TENM1: variants seen among roughly 807,000 people sequenced by gnomAD.
TENM1 encodes the protein teneurin transmembrane protein 1, also known as teneurin-1.
Under a neutral mutation model 174.8 loss-of-function variants are expected in TENM1, and 35 were observed. That is an observed-to-expected ratio of 0.20 (90% confidence interval 0.15 to 0.27). The LOEUF is 0.27. Among genes scored for constraint, TENM1 ranks in the 10% least tolerant of loss-of-function variants. The pLI is 1.00. For synonymous variants in TENM1, 781 were observed against 798.7 expected (o/e 0.98, Z 0.37); for missense variants, 1,633 against 2,130.1 (o/e 0.77, Z 4.59).
At chrX:124,583,919 G>A (rs1452316041) in intron 11 of TENM1, among the ~76,000 whole-genome samples, 1 of 106,966 alleles carries the variant, frequency 9.3e-6, no homozygotes, top group African/African-American at 3.4e-5. Context: ...GCGATCAACT[G>A]GAAGAAAGGG....
intron 11 of TENM1, among the ~76,000 whole-genome samples, chrX:124,586,656 C>T (rs2049524485): frequency 9.3e-6 from 1 of 107,524 alleles, no homozygotes; most frequent in Admixed American, 9.9e-5. Flanking sequence ...CTCACCACTC[C>T]TATTCAACAT....
intron 14 of TENM1, among the ~76,000 whole-genome samples, chrX:124,558,830 C>T (rs931184675): frequency 9.0e-6 from 1 of 110,842 alleles, no homozygotes; most frequent in Non-Finnish European, 1.9e-5. Context: ...GCTTTCCCCC[C>T]GTTCCCTAAA....
chrX:124,382,891 C>T (rs1212875545), intron 30 of TENM1, 79 bp from the exon 34 acceptor site: 17 of 843,247 alleles, frequency 2.0e-5, no homozygotes, highest in Non-Finnish European at 2.7e-5. Flanking sequence ...AAAGATACCT[C>T]TCCTGCCTTC....
At chrX:124,581,968 C>T (rs2049327752) in intron 11 of TENM1, among the ~76,000 whole-genome samples, 1 of 111,603 alleles carries the variant, frequency 9.0e-6, no homozygotes, top group Non-Finnish European at 1.9e-5. Flanking sequence ...TGGTGGTTTA[C>T]TGCACCTATC....
intron 15 of TENM1, among the ~76,000 whole-genome samples, chrX:124,532,607 C>T (rs1199555625): frequency 8.9e-6 from 1 of 111,741 alleles, no homozygotes; most frequent in Non-Finnish European, 1.9e-5. Context: ...TCTACCTGTT[C>T]TTCTTTTCAT....
chrX:124,934,657 G>C (rs1278310124), intron 1 of TENM1, among the ~76,000 whole-genome samples: 2 of 111,657 alleles, frequency 1.8e-5, no homozygotes, highest in Non-Finnish European at 3.8e-5. Context: ...TGGTGCAGCA[G>C]ATCAGAGTGT....
intron 14 of TENM1, among the ~76,000 whole-genome samples, chrX:124,551,450 T>C (rs748802393): frequency 3.6e-5 from 4 of 110,484 alleles, no homozygotes; most frequent in African/African-American, 1.3e-4. Context: ...GTACTTATAG[T>C]TAATAATGAG....
At chrX:124,793,547 A>T (rs1043373488) in intron 3 of TENM1, among the ~76,000 whole-genome samples, 1 of 111,767 alleles carries the variant, frequency 8.9e-6, no homozygotes, top group Non-Finnish European at 1.9e-5. Flanking sequence ...TGAAATATAT[A>T]GTGTAATGGT....
At chrX:124,592,675 T>G (rs900996853) in intron 11 of TENM1, among the ~76,000 whole-genome samples, 1 of 109,910 alleles carries the variant, frequency 9.1e-6, no homozygotes, top group Non-Finnish European at 1.9e-5. Flanking sequence ...CCTCAGGCGA[T>G]CTGCTCCCCA....
At chrX:124,776,124 C>T (rs1248836674) in intron 3 of TENM1, among the ~76,000 whole-genome samples, 2 of 111,685 alleles carry the variant, frequency 1.8e-5, no homozygotes, top group African/African-American at 6.5e-5. Context: ...TATTGCATTC[C>T]TTATCTAGAG....
At chrX:125,010,769 G>A in the TENM1 span, among the ~76,000 whole-genome samples, 2 of 105,001 alleles carry the variant, frequency 1.9e-5, no homozygotes, top group African/African-American at 3.5e-5. Context: ...AGCCGAGATC[G>A]CGCCACTGCA....
chrX:124,385,780 A>G (rs1396182438), exon 29 of TENM1: 1 of 1,211,448 alleles, frequency 8.3e-7, no homozygotes, highest in Admixed American at 2.2e-5. Context: ...CCTGAGTGGT[A>G]TCATAGAGAA....
the TENM1 span, among the ~76,000 whole-genome samples, chrX:125,200,652 T>TGAGAGAGA: frequency 8.5e-3 from 694 of 81,288 alleles, 6 homozygotes; most frequent in East Asian, 0.063. Flanking sequence ...TGTGTGTGTG[T>TGAGAGAGA]GTGAGAGAGA....
chrX:125,103,691 A>G, the TENM1 span, among the ~76,000 whole-genome samples: 1 of 112,664 alleles, frequency 8.9e-6, no homozygotes, highest in Non-Finnish European at 1.9e-5. Context: ...TGCTTAATAT[A>G]AAATTAAGAC....
chrX:124,407,869 T>C (rs2060480677), intron 25 of TENM1, among the ~76,000 whole-genome samples: 1 of 112,657 alleles, frequency 8.9e-6, no homozygotes, highest in African/African-American at 3.2e-5. Context: ...TTTGTTTAAA[T>C]GGATTTCAGT....
exon 27 of TENM1, chrX:124,405,131 T>C (rs1450180973): frequency 8.3e-7 from 1 of 1,209,702 alleles, no homozygotes; most frequent in Non-Finnish European, 1.1e-6. Flanking sequence ...CAATGAGATG[T>C]TGCATTTGCC....
chrX:124,721,148 T>C (rs142997309), intron 4 of TENM1, among the ~76,000 whole-genome samples: 369 of 111,923 alleles, frequency 3.3e-3, no homozygotes, highest in African/African-American at 0.012. Context: ...AGCTATTTAA[T>C]AGTGAAATTG....
the TENM1 span, among the ~76,000 whole-genome samples, chrX:125,062,787 C>G: frequency 8.1e-5 from 9 of 111,755 alleles, no homozygotes; most frequent in Non-Finnish European, 1.7e-4. Context: ...CAATCAGCAC[C>G]AGAAGCCAGC....
intron 11 of TENM1, among the ~76,000 whole-genome samples, chrX:124,593,223 C>A (rs562803812): frequency 3.6e-5 from 4 of 110,691 alleles, no homozygotes; most frequent in Non-Finnish European, 5.7e-5. Context: ...CCTGGGCATG[C>A]AGCAGAGAGG....
Sources: gnomAD v4.1 joint callset for allele counts (sites outside exome capture counted in the v4.1 genomes callset) on GRCh38, gnomAD v4.1.1 for gene constraint, MANE v1.5 for transcripts, NCBI Gene and HGNC (gene_info 2026-07-23, HGNC 2026-07-21) for gene names.